SEMA6D: variants seen among roughly 807,000 people sequenced by gnomAD.
The protein encoded by SEMA6D is semaphorin-6D.
Under a neutral mutation model 106.6 loss-of-function variants are expected in SEMA6D, and 35 were observed. That is an observed-to-expected ratio of 0.33 (90% CI 0.25 to 0.44). SEMA6D has a LOEUF of 0.44. Ranked by LOEUF, SEMA6D falls within the 20% of genes least tolerant of loss-of-function variation. The pLI is 1.00. For missense variants in SEMA6D, 1,185 were observed against 1,345.9 expected, an observed-to-expected ratio of 0.88 and a Z score of 1.87; for synonymous variants, 499 against 487.7, an observed-to-expected ratio of 1.02 and a Z score of -0.31.
rs550112853 is a variant in SEMA6D, at chr15:47,444,008, G to T, written c.-158-26466G>T. Reference sequence around the variant, plus strand: ...ACAGTCATGGTATCTTGGGGATGTGGTCAGAATCCTAACCAGTGAATCACC... The same window carrying T: ...ACAGTCATGGTATCTTGGGGATGTGTTCAGAATCCTAACCAGTGAATCACC... On this transcript the variant is annotated intron_variant, in intron 2 of 19. Transcript: ENST00000558014. 7.2e-5 allele frequency among the ~76,000 whole-genome samples: 11 copies of T among 152,256 alleles called. No individual in the cohort carries two copies. In the South Asian group the frequency reaches 2.1e-3, roughly 29 times the overall value.
Position 47,768,658 on chromosome 15 carries a change from A to G in SEMA6D, c.1843A>G (p.Arg615Gly). The G allele has an allele frequency of 6.2e-7, 1 of 1,613,690 alleles. No homozygotes were observed. Among genetic ancestry groups the G allele is most frequent in the Non-Finnish European group, 8.5e-7 (1 of 1,179,668 alleles). ...EITPKVIDTW[R>G]PKLTSSRKFV... is the part of the protein sequence containing the mutation. ...CACACCTAAAGTGATTGATACCTGG[A>G]GACCTAAACTGACAAGCTCTCGGAA... is the stretch of plus-strand genomic sequence containing the variant. The change falls in exon 18 of 19, where the codon AGA becomes GGA. Residue 615 changes from arginine to glycine, a missense_variant. By Grantham distance (125) the Arg-to-Gly change is moderately radical. This residue lies in a region of SEMA6D where 750 missense variants were observed against 783.5 expected (regional missense o/e 0.96). Transcript: ENST00000536845.
At chr15:47,761,634 C>A in intron 6 of SEMA6D, 27 bp from the exon 7 acceptor site, 1 of 1,540,966 alleles carries the variant, frequency 6.5e-7, no homozygotes, top group Non-Finnish European at 8.9e-7. Context: ...ATAGATATGA[C>A]ACTGGCTATT....
At chr15:47,354,566 C>CATATAT (rs35438092) in intron 1 of SEMA6D, among the ~76,000 whole-genome samples, 2 of 148,066 alleles carry the variant, frequency 1.4e-5, no homozygotes, top group African/African-American at 5.0e-5. Flanking sequence ...TGTATGTGTA[C>CATATAT]ATATATATAT....
chr15:47,705,871 G>A (rs1050657612), intron 4 of SEMA6D, among the ~76,000 whole-genome samples: 3 of 152,200 alleles, frequency 2.0e-5, no homozygotes, highest in Non-Finnish European at 4.4e-5. Context: ...AACACCTTCA[G>A]TGGATAGCCA....
chr15:47,211,142 T>C (rs2037143), intron 1 of SEMA6D, among the ~76,000 whole-genome samples: 10,360 of 152,210 alleles, frequency 0.068, 1,301 homozygotes, highest in East Asian at 0.6. Flanking sequence ...ATAATAATGA[T>C]TGCCATCATC....
At chr15:47,319,557 G>GA (rs899656334) in intron 1 of SEMA6D, among the ~76,000 whole-genome samples, 11 of 152,046 alleles carry the variant, frequency 7.2e-5, no homozygotes, top group East Asian at 5.8e-4. Flanking sequence ...ACCCCAGGGA[G>GA]AAAAAAACAG....
intron 1 of SEMA6D, among the ~76,000 whole-genome samples, chr15:47,351,960 G>C (rs651999): frequency 0.53 from 81,011 of 152,018 alleles, 24,700 homozygotes; most frequent in African/African-American, 0.85. Flanking sequence ...AAAATTAAAA[G>C]AGGATTTTAA....
chr15:47,223,711 C>A (rs2031412086), intron 1 of SEMA6D, among the ~76,000 whole-genome samples: 1 of 151,950 alleles, frequency 6.6e-6, no homozygotes, highest in Non-Finnish European at 1.5e-5. Context: ...CTAACTTTAT[C>A]ATAAAGCTCA....
At chr15:47,764,818 T>G in intron 12 of SEMA6D, 25 bp downstream of exon 12, 1 of 1,613,666 alleles carries the variant, frequency 6.2e-7, no homozygotes, top group Non-Finnish European at 8.5e-7. Context: ...GAAACACTCC[T>G]TCCTATTCAA....
intron 3 of SEMA6D, among the ~76,000 whole-genome samples, chr15:47,555,788 G>A (rs1164600249): frequency 1.3e-5 from 2 of 152,172 alleles, no homozygotes; most frequent in Non-Finnish European, 2.9e-5. Flanking sequence ...GTGGCATGAT[G>A]TAATAGGTGA....
At chr15:47,228,132 G>A (rs1255552370) in intron 1 of SEMA6D, among the ~76,000 whole-genome samples, 1 of 89,434 alleles carries the variant, frequency 1.1e-5, no homozygotes, top group East Asian at 3.5e-4. Context: ...ATATATGTGT[G>A]TGTGTACACA....
intron 3 of SEMA6D, among the ~76,000 whole-genome samples, chr15:47,503,689 T>TCACACACACACACA (rs142397320): frequency 2.8e-4 from 41 of 148,698 alleles, no homozygotes; most frequent in African/African-American, 7.4e-4. Context: ...TCTCTCTCTG[T>TCACACACACACACA]CACACACACA....
chr15:47,446,977 A>G (rs2042046848), intron 2 of SEMA6D, among the ~76,000 whole-genome samples: 1 of 152,140 alleles, frequency 6.6e-6, no homozygotes, highest in African/African-American at 2.4e-5. Context: ...GGAAATCACG[A>G]CATGACACAT....
At chr15:47,757,422 A>G (rs982776303) in intron 1 of SEMA6D, among the ~76,000 whole-genome samples, 5 of 152,168 alleles carry the variant, frequency 3.3e-5, no homozygotes, top group Non-Finnish European at 7.3e-5. Context: ...ATACTTTTAT[A>G]CTACTTCAAC....
chr15:47,744,282 T>C (rs1426586541), intron 1 of SEMA6D, among the ~76,000 whole-genome samples: 2 of 152,128 alleles, frequency 1.3e-5, no homozygotes, highest in African/African-American at 4.8e-5. Context: ...CCCCAAACCC[T>C]GGTCTAGGCT....
chr15:47,628,054 T>A (rs1053534911), intron 4 of SEMA6D, among the ~76,000 whole-genome samples: 1 of 152,142 alleles, frequency 6.6e-6, no homozygotes, highest in African/African-American at 2.4e-5. Flanking sequence ...TATTACATGC[T>A]ATTAGCCTAC....
intron 1 of SEMA6D, among the ~76,000 whole-genome samples, chr15:47,325,860 T>A (rs2037111301): frequency 6.6e-6 from 1 of 152,172 alleles, no homozygotes; most frequent in East Asian, 1.9e-4. Flanking sequence ...AAATAAAATT[T>A]AAATGCTCAT....
intron 1 of SEMA6D, among the ~76,000 whole-genome samples, chr15:47,297,131 C>T (rs970039673): frequency 6.6e-6 from 1 of 152,110 alleles, no homozygotes; most frequent in Admixed American, 6.6e-5. Flanking sequence ...AATAGATTAC[C>T]ATCAGTTGAT....
At chr15:47,563,311 A>G (rs1003635187) in intron 3 of SEMA6D, among the ~76,000 whole-genome samples, 7 of 152,216 alleles carry the variant, frequency 4.6e-5, no homozygotes, top group Non-Finnish European at 1.0e-4. Context: ...GTAAACTTTT[A>G]AAAGTCTAAA....
Sources: allele counts gnomAD v4.1 joint callset (sites outside exome capture counted in the v4.1 genomes callset), GRCh38; gene constraint gnomAD v4.1.1; regional missense constraint gnomAD v4.1.1; transcripts MANE v1.5; gene names NCBI Gene and HGNC (gene_info 2026-07-23, HGNC 2026-07-21).